Variants in FSTL5 observed in about 807,000 individuals in gnomAD.
The protein encoded by FSTL5 is follistatin-related protein 5.
A neutral mutation model predicts 89.1 loss-of-function variants in FSTL5; 62 were observed. The observed-to-expected ratio is 0.70, with a 90% confidence interval of 0.57 to 0.86. FSTL5 has a LOEUF of 0.86. Ranked by LOEUF, FSTL5 falls within the 40% of genes least tolerant of loss-of-function variation. The pLI is 0.00. For synonymous variants in FSTL5, 383 were observed against 346.2 expected, an observed-to-expected ratio of 1.11 and a Z score of -1.18; for missense variants, 1,057 against 1,001.6, an observed-to-expected ratio of 1.06 and a Z score of -0.75.
intron 3 of FSTL5, among the ~76,000 whole-genome samples, chr4:161,970,967 G>T (rs1735466217): frequency 6.6e-6 from 1 of 151,980 alleles, no homozygotes. Context: ...CTCTTTATGT[G>T]ATATAACTAC....
intron 3 of FSTL5, among the ~76,000 whole-genome samples, chr4:161,976,503 T>C (rs1396396309): frequency 6.6e-6 from 1 of 151,884 alleles, no homozygotes; most frequent in Non-Finnish European, 1.5e-5. Flanking sequence ...TGTTGCTGAG[T>C]CGGAGTCTTG....
intron 2 of FSTL5, among the ~76,000 whole-genome samples, chr4:162,091,712 A>G (rs1174804253): frequency 6.6e-6 from 1 of 152,074 alleles, no homozygotes; most frequent in African/African-American, 2.4e-5. Flanking sequence ...CTCATGCACC[A>G]CAAGTTGATT....
chr4:162,143,821 T>A lies in FSTL5; in HGVS notation c.-17+19794A>T, dbSNP rs28665769. 1.4e-4 allele frequency among the ~76,000 whole-genome samples: 9 copies of A among 65,902 alleles called. No individual in the cohort carries two copies. The East Asian group carries it at 1.7e-3, about 13-fold the overall frequency. The allele number at this position is 65,902 out of a possible 152,430, so 43.2% of individuals were successfully genotyped here. On this transcript the variant is annotated intron_variant, in intron 1 of 15. Transcript: ENST00000306100. ...ACACACACACACACACACACACACA[T>A]ACAAACACACACGGCAGGAAAAAAA...
chr4:161,959,073 T>C (rs887796932), intron 3 of FSTL5, among the ~76,000 whole-genome samples: 44 of 152,266 alleles, frequency 2.9e-4, no homozygotes, highest in African/African-American at 9.6e-4. Context: ...TTCTTAGGGA[T>C]CACTGTCCAT....
intron 6 of FSTL5, among the ~76,000 whole-genome samples, chr4:161,692,102 T>G (rs1272667841): frequency 1.3e-5 from 2 of 152,136 alleles, no homozygotes; most frequent in East Asian, 3.8e-4. Flanking sequence ...CATGTATGAC[T>G]TGCAGTATAA....
chr4:162,083,959 G>A lies in FSTL5; in HGVS notation c.126+27312C>T, dbSNP rs528341742. Reference sequence around the variant, plus strand: ...AGTTAATTAATAATTTTAATGCAATGCAACAATAAATCATTTTATAATTTA... The same window carrying A: ...AGTTAATTAATAATTTTAATGCAATACAACAATAAATCATTTTATAATTTA... On this transcript the variant is annotated intron_variant, in intron 2 of 15. Transcript: ENST00000306100. Among the ~76,000 whole-genome samples the A allele has an allele frequency of 4.6e-3, 696 of 151,974 alleles. 3 individuals are homozygous for A. Among genetic ancestry groups the A allele is most frequent in the Non-Finnish European group, 7.3e-3 (494 of 67,878 alleles).
At chr4:162,134,154 G>A (rs1415768056) in intron 1 of FSTL5, among the ~76,000 whole-genome samples, 2 of 152,088 alleles carry the variant, frequency 1.3e-5, no homozygotes, top group Admixed American at 1.3e-4. Context: ...ACTATATCCA[G>A]TTTATTTTCT....
chr4:161,816,536 C>G (rs971409150), intron 4 of FSTL5, among the ~76,000 whole-genome samples: 2 of 152,098 alleles, frequency 1.3e-5, no homozygotes, highest in Non-Finnish European at 2.9e-5. Flanking sequence ...TTTGCTAGTA[C>G]AACCTAAAAT....
At chr4:162,146,211 C>A (rs1732979889) in intron 1 of FSTL5, among the ~76,000 whole-genome samples, 1 of 152,008 alleles carries the variant, frequency 6.6e-6, no homozygotes, top group African/African-American at 2.4e-5. Flanking sequence ...AATATAATGT[C>A]CATATCTATG....
intron 3 of FSTL5, among the ~76,000 whole-genome samples, chr4:161,985,978 T>G (rs894051972): frequency 6.6e-6 from 1 of 152,152 alleles, no homozygotes; most frequent in African/African-American, 2.4e-5. Flanking sequence ...TTATTTAAGC[T>G]GCACTTTTTA....
At chr4:161,532,998 A>G (rs1731472611) in intron 10 of FSTL5, among the ~76,000 whole-genome samples, 1 of 146,050 alleles carries the variant, frequency 6.8e-6, no homozygotes, top group African/African-American at 2.5e-5. Flanking sequence ...CAATAACATT[A>G]ACGCAGAAAT....
At chr4:162,144,768 T>C (rs1466818007) in intron 1 of FSTL5, among the ~76,000 whole-genome samples, 2 of 152,036 alleles carry the variant, frequency 1.3e-5, no homozygotes, top group Non-Finnish European at 2.9e-5. Flanking sequence ...AATTATAATG[T>C]GGTTCATTAA....
chr4:161,794,908 A>C (rs7676679), intron 4 of FSTL5, among the ~76,000 whole-genome samples: 111,564 of 151,950 alleles, frequency 0.73, 41,022 homozygotes, highest in Admixed American at 0.76. Context: ...TACTCACATA[A>C]ACATAGTAAC....
chr4:161,640,342 C>A (rs894740011), intron 7 of FSTL5, among the ~76,000 whole-genome samples: 67 of 152,164 alleles, frequency 4.4e-4, no homozygotes, highest in African/African-American at 1.5e-3. Flanking sequence ...CTGAAGAAGA[C>A]CTGATATAAG....
intron 6 of FSTL5, among the ~76,000 whole-genome samples, chr4:161,676,661 T>A (rs2126703980): frequency 6.6e-6 from 1 of 151,808 alleles, no homozygotes; most frequent in East Asian, 1.9e-4. Flanking sequence ...AATAAATTTT[T>A]AAAAAATAAT....
chr4:161,955,953 A>G (rs1237427216), intron 3 of FSTL5, among the ~76,000 whole-genome samples: 3 of 151,814 alleles, frequency 2.0e-5, no homozygotes, highest in Non-Finnish European at 4.4e-5. Context: ...CTCTCGGAAC[A>G]CTGAGACATG....
intron 4 of FSTL5, among the ~76,000 whole-genome samples, chr4:161,827,493 G>C (rs1730702270): frequency 6.6e-6 from 1 of 152,178 alleles, no homozygotes; most frequent in African/African-American, 2.4e-5. Context: ...GGATCAGGTG[G>C]TGAGTGGGGG....
intron 15 of FSTL5, among the ~76,000 whole-genome samples, chr4:161,396,653 T>TAAA (rs202204959): frequency 1.1e-4 from 14 of 125,192 alleles, no homozygotes; most frequent in Admixed American, 4.9e-4. Context: ...CACTCTGTCT[T>TAAA]AAAAAAAAAA....
At chr4:162,108,305 A>C (rs2111400385) in intron 2 of FSTL5, among the ~76,000 whole-genome samples, 1 of 152,204 alleles carries the variant, frequency 6.6e-6, no homozygotes, top group South Asian at 2.1e-4. Context: ...TTATATTTGT[A>C]TCTACAACAT....
Sources: allele counts gnomAD v4.1 joint callset (sites outside exome capture counted in the v4.1 genomes callset), GRCh38; gene constraint gnomAD v4.1.1; transcripts MANE v1.5; gene names NCBI Gene and HGNC (gene_info 2026-07-23, HGNC 2026-07-21).